The following MSRA variants were observed in gnomAD, a reference collection of about 807,000 sequenced individuals.
MSRA encodes the protein mitochondrial peptide methionine sulfoxide reductase.
MSRA carries 54 observed loss-of-function variants against 31.3 expected under a neutral mutation model. The ratio of observed to expected loss-of-function variants is 1.73; its 90% CI spans 1.39 to 2.17. The LOEUF (loss-of-function observed/expected upper bound fraction) is 2.17, where lower values mean the gene tolerates loss of function less well. Among genes scored for constraint, MSRA ranks in the 30% most tolerant of loss-of-function variants. The pLI is 0.00. For missense variants in MSRA, 507 were observed against 300.9 expected, an observed-to-expected ratio of 1.69 and a Z score of -5.07; for synonymous variants, 169 against 116.5, an observed-to-expected ratio of 1.45 and a Z score of -2.90.
At chr8:10,156,280 T>G (rs1199838056) in intron 1 of MSRA, among the ~76,000 whole-genome samples, 1 of 152,210 alleles carries the variant, frequency 6.6e-6, no homozygotes, top group Non-Finnish European at 1.5e-5. Flanking sequence ...GACTGTATGT[T>G]GGATGATGGT....
chr8:10,129,865 C>T (rs1801773318), intron 1 of MSRA, among the ~76,000 whole-genome samples: 2 of 151,864 alleles, frequency 1.3e-5, no homozygotes, highest in African/African-American at 2.4e-5. Flanking sequence ...GTTCCATTCC[C>T]CATATTTCTC....
chr8:10,189,060 C>G (rs10104463), intron 1 of MSRA, among the ~76,000 whole-genome samples: 65,495 of 151,952 alleles, frequency 0.43, 14,123 homozygotes, highest in South Asian at 0.54. Flanking sequence ...TTATAGTTTT[C>G]AGGGTACAGA....
At chr8:10,112,388 A>G (rs1468553708) in intron 1 of MSRA, among the ~76,000 whole-genome samples, 3 of 152,254 alleles carry the variant, frequency 2.0e-5, no homozygotes, top group Admixed American at 1.3e-4. Flanking sequence ...CCTCTCTCAC[A>G]TAATAGAGAA....
chr8:10,067,855 T>A (rs1002067434), intron 1 of MSRA, among the ~76,000 whole-genome samples: 1 of 150,856 alleles, frequency 6.6e-6, no homozygotes, highest in African/African-American at 2.4e-5. Flanking sequence ...ATATTTCAGT[T>A]GGGTTGTTTT....
At chr8:10,165,564 C>T (rs1220082736) in intron 1 of MSRA, among the ~76,000 whole-genome samples, 2 of 152,170 alleles carry the variant, frequency 1.3e-5, no homozygotes, top group African/African-American at 4.8e-5. Context: ...CCTGGGTCAC[C>T]TGCCAGAAAA....
chr8:10,377,739 C>T (rs1410829588), intron 5 of MSRA, among the ~76,000 whole-genome samples: 1 of 152,204 alleles, frequency 6.6e-6, no homozygotes, highest in Admixed American at 6.5e-5. Context: ...GGAACCTCTG[C>T]TGGGTTCACA....
chr8:10,143,398 A>G (rs1406930497), intron 1 of MSRA, among the ~76,000 whole-genome samples: 1 of 152,162 alleles, frequency 6.6e-6, no homozygotes, highest in Non-Finnish European at 1.5e-5. Flanking sequence ...CTGGTATGGC[A>G]TCCCAGTTTG....
At chr8:10,223,512 T>C (rs1406903702) in intron 2 of MSRA, among the ~76,000 whole-genome samples, 1 of 152,198 alleles carries the variant, frequency 6.6e-6, no homozygotes, top group Non-Finnish European at 1.5e-5. Context: ...CATTTGGGCT[T>C]CAGTCAGTGA....
At chr8:10,423,097 G>A (rs142843453) in intron 5 of MSRA, among the ~76,000 whole-genome samples, 193 of 152,256 alleles carry the variant, frequency 1.3e-3, no homozygotes, top group African/African-American at 4.5e-3. Context: ...CAGTTGTCTC[G>A]GCAGTCACGA....
At chr8:10,192,879 T>C (rs1257369741) in intron 1 of MSRA, among the ~76,000 whole-genome samples, 1 of 152,224 alleles carries the variant, frequency 6.6e-6, no homozygotes, top group African/African-American at 2.4e-5. Context: ...GGAAAATGGT[T>C]TCTAAATCTC....
chr8:10,095,419 A>C (rs1021273339), intron 1 of MSRA: 18 of 962,220 alleles, frequency 1.9e-5, no homozygotes, highest in Admixed American at 6.2e-5. Context: ...TGGGTACCGT[A>C]CCACGGTTTC....
intron 1 of MSRA, 71 bp downstream of exon 1, chr8:10,054,729 G>A: frequency 3.6e-6 from 5 of 1,378,862 alleles, no homozygotes; most frequent in Non-Finnish European, 3.8e-6. Flanking sequence ...GCGGCAGCGC[G>A]CCCGCTGCCC....
rs540203935 is a variant in MSRA at position 10,071,242 on chromosome 8, C to T, written c.142+16584C>T. ...CTCATCATGGTTTTACTTTTTATTT[C>T]GTTGGTGGATAAGGATGTTGAAGAT... On this transcript the variant is annotated intron_variant, in intron 1 of 5. Transcript: ENST00000317173. Among the ~76,000 whole-genome samples the T allele has an allele frequency of 2.7e-3, 406 of 152,192 alleles. 4 individuals are homozygous for T. Among genetic ancestry groups the T allele is most frequent in the Non-Finnish European group, 3.5e-3 (238 of 68,000 alleles).
At chr8:10,329,845 AG>A (rs1400921009) in intron 5 of MSRA, among the ~76,000 whole-genome samples, 10 of 151,560 alleles carry the variant, frequency 6.6e-5, no homozygotes, top group Admixed American at 2.0e-4. Context: ...TTTTGAAGAG[AG>A]GTGAAAATTT....
rs182015158 is a variant in MSRA, at chr8:10,316,017, C to A, written c.437-3866C>A. ...GTAATGTGTACTCCTTACTGAAAAT[C>A]AGGATCTTTCATTTTTCTTTTTGCT... On this transcript the variant is annotated intron_variant, in intron 4 of 5. Coordinates refer to ENST00000317173, the MANE Select transcript of MSRA (RefSeq NM_012331.5). 2.0e-3 allele frequency among the ~76,000 whole-genome samples: 299 copies of A among 152,286 alleles called. 2 individuals are homozygous for A. The highest frequency in any genetic ancestry group is 6.5e-3 in the African/African-American group (270 of 41,566).
rs138881699 is a variant in MSRA, at chr8:10,141,272, G to A, written c.143-66561G>A. 2.2e-3 allele frequency among the ~76,000 whole-genome samples: 337 copies of A among 152,256 alleles called. 2 individuals are homozygous for A. The highest frequency in any genetic ancestry group is 6.8e-3 in the Middle Eastern group (2 of 294). On this transcript the variant is annotated intron_variant, in intron 1 of 5. Coordinates refer to ENST00000317173, the MANE Select transcript of MSRA (RefSeq NM_012331.5). The stretch of plus-strand genomic sequence containing the variant: ...CACGCCTTATAATCCTCACATCACC[G>A]TCGGGAGGCCTGTGCAACTGCCATT...
intron 1 of MSRA, among the ~76,000 whole-genome samples, chr8:10,097,805 G>A (rs1799276985): frequency 6.6e-6 from 1 of 152,026 alleles, no homozygotes; most frequent in South Asian, 2.1e-4. Context: ...AAATATGTCA[G>A]AATATACCTT....
At chr8:10,252,154 C>T (rs898446709) in intron 3 of MSRA, among the ~76,000 whole-genome samples, 11 of 152,114 alleles carry the variant, frequency 7.2e-5, no homozygotes, top group Non-Finnish European at 1.0e-4. Flanking sequence ...CTTTCTTTGT[C>T]GAGTAAGGGA....
intron 3 of MSRA, among the ~76,000 whole-genome samples, chr8:10,270,649 A>G (rs1218323510): frequency 6.6e-6 from 1 of 152,168 alleles, no homozygotes; most frequent in Admixed American, 6.5e-5. Flanking sequence ...GGTGAAGGAG[A>G]GGGGAATTAA....
Sources: allele counts gnomAD v4.1 joint callset (sites outside exome capture counted in the v4.1 genomes callset), GRCh38; gene constraint gnomAD v4.1.1; transcripts MANE v1.5; gene names NCBI Gene and HGNC (gene_info 2026-07-23, HGNC 2026-07-21).